The following PHKB variants were observed in gnomAD, a reference collection of about 807,000 sequenced individuals.
PHKB encodes phosphorylase kinase regulatory subunit beta.
PHKB carries 122 observed loss-of-function variants against 152.1 expected under a neutral mutation model. That is an observed-to-expected ratio of 0.80 (90% CI 0.69 to 0.93). The LOEUF is 0.93. Among genes scored for constraint, PHKB ranks in the 40% least tolerant of loss-of-function variants. PHKB has a pLI of 0.00. For synonymous variants in PHKB, 436 were observed against 464.9 expected (o/e 0.94, Z 0.80); for missense variants, 1,304 against 1,328.4 (o/e 0.98, Z 0.29).
intron 13 of PHKB, chr16:47,599,119 A>C (rs1972175840): frequency 2.0e-6 from 1 of 495,622 alleles, no homozygotes; most frequent in Non-Finnish European, 3.6e-6. Flanking sequence ...ATTACAAAGA[A>C]GCTTTGTTGT....
At chr16:47,600,723 A>G (rs1972207829) in intron 13 of PHKB, among the ~76,000 whole-genome samples, 2 of 152,384 alleles carry the variant, frequency 1.3e-5, no homozygotes, top group South Asian at 4.1e-4. Context: ...AATGGTAAGT[A>G]TCTGTGTACC....
chr16:47,609,903 G>A (rs1053557815), intron 13 of PHKB, among the ~76,000 whole-genome samples: 3 of 151,900 alleles, frequency 2.0e-5, no homozygotes, highest in Non-Finnish European at 4.4e-5. Context: ...TTTCTATACT[G>A]TTTCATTAAT....
chr16:47,667,285 A>G (rs952981101), intron 25 of PHKB, among the ~76,000 whole-genome samples: 8 of 151,920 alleles, frequency 5.3e-5, no homozygotes, highest in Non-Finnish European at 1.2e-4. Context: ...AGAAAAAAAA[A>G]ATAGTTGGGC....
chr16:47,534,433 C>T (rs895787116), intron 6 of PHKB, among the ~76,000 whole-genome samples: 2 of 152,042 alleles, frequency 1.3e-5, no homozygotes, highest in African/African-American at 2.4e-5. Flanking sequence ...GAAGCTCTTT[C>T]CTAGAGACAT....
chr16:47,581,247 A>G (rs1971839248), intron 8 of PHKB, among the ~76,000 whole-genome samples: 1 of 152,190 alleles, frequency 6.6e-6, no homozygotes, highest in South Asian at 2.1e-4. Context: ...TAGTATATTA[A>G]TGCAGCCACC....
At chr16:47,515,624 A>G (rs371064093) in intron 6 of PHKB, 23 bp downstream of exon 6, 90 of 968,900 alleles carry the variant, frequency 9.3e-5, no homozygotes, top group Non-Finnish European at 1.2e-4. Flanking sequence ...CAAATTTTCT[A>G]TTACTAAATT....
intron 4 of PHKB, among the ~76,000 whole-genome samples, chr16:47,510,759 A>AC (rs2151649099): frequency 6.6e-6 from 1 of 152,366 alleles, no homozygotes; most frequent in South Asian, 2.1e-4. Flanking sequence ...AGATGGTTCT[A>AC]TATAGTTTCA....
At chr16:47,580,272 A>ATGGC in intron 7 of PHKB, 23 bp from the exon 8 acceptor site, 1 of 1,590,414 alleles carries the variant, frequency 6.3e-7, no homozygotes, top group Non-Finnish European at 8.6e-7. Context: ...TAGAGTAATA[A>ATGGC]AGCATTTCCT....
chr16:47,469,792 G>A (rs1189535749), intron 1 of PHKB, among the ~76,000 whole-genome samples: 2 of 152,098 alleles, frequency 1.3e-5, no homozygotes, highest in Non-Finnish European at 2.9e-5. Context: ...TAAACAAAAT[G>A]TTTTTCCCCC....
chr16:47,633,913 C>T (rs892403371), intron 14 of PHKB, among the ~76,000 whole-genome samples: 12 of 152,030 alleles, frequency 7.9e-5, no homozygotes, highest in Admixed American at 7.9e-4. Context: ...ATTTTTTGAC[C>T]ACCTCCTTTG....
At chr16:47,572,195 G>A (rs1971672547) in intron 7 of PHKB, among the ~76,000 whole-genome samples, 1 of 152,180 alleles carries the variant, frequency 6.6e-6, no homozygotes, top group African/African-American at 2.4e-5. Flanking sequence ...TCCCCAGATT[G>A]CAGCCCACTC....
At chr16:47,610,588 T>C (rs889773116) in intron 13 of PHKB, among the ~76,000 whole-genome samples, 5 of 152,228 alleles carry the variant, frequency 3.3e-5, no homozygotes, top group Admixed American at 6.5e-5. Flanking sequence ...TTTCTGTTAT[T>C]GATGCCTAAT....
chr16:47,565,782 A>T, intron 7 of PHKB: 1 of 1,492,272 alleles, frequency 6.7e-7, no homozygotes, highest in Non-Finnish European at 9.3e-7. Flanking sequence ...TAGCTGTTCT[A>T]CTTCTCTTTC....
intron 25 of PHKB, among the ~76,000 whole-genome samples, chr16:47,667,672 G>A (rs541082276): frequency 2.0e-5 from 3 of 152,282 alleles, no homozygotes; most frequent in Non-Finnish European, 4.4e-5. Context: ...AACAGGCTTT[G>A]AGAAGATATT....
intron 15 of PHKB, 107 bp from the exon 16 acceptor site, chr16:47,641,492 T>G: frequency 1.4e-6 from 1 of 710,658 alleles, no homozygotes; most frequent in Non-Finnish European, 2.6e-6. Context: ...AACAAATTAA[T>G]AATGCCCTCC....
At chr16:47,617,401 C>A (rs1308183377) in intron 14 of PHKB, among the ~76,000 whole-genome samples, 1 of 151,732 alleles carries the variant, frequency 6.6e-6, no homozygotes, top group East Asian at 1.9e-4. Flanking sequence ...CCTTTTTTAT[C>A]ATCCTCAACA....
In PHKB at chr16:47,700,495, T is replaced by TC; in HGVS notation, c.*1130dup. 6.6e-6 allele frequency: 1 copy of TC among 152,290 alleles called. No homozygotes were observed. Among genetic ancestry groups the TC allele is most frequent in the African/African-American group, 2.4e-5 (1 of 41,564 alleles). 9.4% of individuals were successfully genotyped at this position (152,290 alleles called of 1,614,324 possible). A position where few individuals can be genotyped will look rare whatever the true frequency, so the allele number is the denominator to read the frequency against. ...ATCTGGACATTTTTTGTTCCTAGGT[T>TC]CACAAGATTGAGCTTCAAACTCCCG... is the stretch of plus-strand genomic sequence containing the variant. On this transcript the variant is annotated 3_prime_UTR_variant, in exon 31 of 31. Transcript: ENST00000323584.
At chr16:47,537,639 C>G (rs983554638) in intron 6 of PHKB, among the ~76,000 whole-genome samples, 5 of 152,018 alleles carry the variant, frequency 3.3e-5, no homozygotes, top group Non-Finnish European at 7.3e-5. Flanking sequence ...TTTTATTGAA[C>G]AGTAGTCAAA....
chr16:47,645,173 C>T (rs951056793), intron 16 of PHKB, among the ~76,000 whole-genome samples: 3 of 151,216 alleles, frequency 2.0e-5, no homozygotes, highest in African/African-American at 4.9e-5. Context: ...TGCCTGTTCA[C>T]TCTGATGGTA....
Sources: allele counts gnomAD v4.1 joint callset (sites outside exome capture counted in the v4.1 genomes callset), GRCh38; gene constraint gnomAD v4.1.1; transcripts MANE v1.5; gene names NCBI Gene and HGNC (gene_info 2026-07-23, HGNC 2026-07-21).